The following TXNDC16 variants were observed in gnomAD, a reference collection of about 807,000 sequenced individuals.
TXNDC16 encodes the protein thioredoxin domain containing 16.
TXNDC16 carries 74 observed loss-of-function variants against 85.6 expected under a neutral mutation model. The ratio of observed to expected loss-of-function variants is 0.86; its 90% CI spans 0.72 to 1.05. The LOEUF (loss-of-function observed/expected upper bound fraction) is 1.05. Among genes scored for constraint, TXNDC16 ranks in the 50% least tolerant of loss-of-function variants. TXNDC16 has a pLI of 0.00. For synonymous variants in TXNDC16, 335 were observed against 326.5 expected, an observed-to-expected ratio of 1.03 and a Z score of -0.28; for missense variants, 959 against 947.0, an observed-to-expected ratio of 1.01 and a Z score of -0.17.
rs1334419882 is a variant in TXNDC16, at chr14:52,439,253, G to T, written c.2145C>A (p.Asn715Lys). 6.2e-7 allele frequency: 1 copy of T among 1,613,966 alleles called. No individual in the cohort carries two copies. The change falls in exon 20 of 21, where the codon AAC becomes AAA. Residue 715 changes from asparagine (N) to lysine (K), a missense_variant. Physicochemically the swap from Asn to Lys is moderately conservative, Grantham distance 94 (BLOSUM62 0). Coordinates refer to ENST00000281741, the MANE Select transcript of TXNDC16 (RefSeq NM_020784.3). ...CTAATTTCTTCAGCCACAATACAAG[G>T]TTTTCTTCAATTATAGCCTGGTCTG... The part of the protein sequence containing the change: ...FPSDQAIIEE[N>K]LVLWLKKLEA...
chr14:52,491,059 G>A, intron 9 of TXNDC16, 54 bp from the exon 10 acceptor site: 3 of 1,522,170 alleles, frequency 2.0e-6, no homozygotes, highest in Non-Finnish European at 2.6e-6. Flanking sequence ...CCAACATTTG[G>A]ATTTAAATTC....
rs923525136 is a variant in TXNDC16, at chr14:52,517,310, G to C, written c.514+1862C>G. 2.0e-5 allele frequency among the ~76,000 whole-genome samples: 3 copies of C among 152,234 alleles called. 1 individual carries two copies. The highest frequency in any genetic ancestry group is 2.0e-4 in the Admixed American group (3 of 15,288). ...ACTTACAGCTGCAAAAGGAAACATA[G>C]CTGGGGAGAGGGGGAGGGAAGCCAA... On this transcript the variant is annotated intron_variant, in intron 7 of 20. Coordinates refer to ENST00000281741, the MANE Select transcript of TXNDC16 (RefSeq NM_020784.3).
At chr14:52,482,458 T>C (rs1489449701) in intron 13 of TXNDC16, among the ~76,000 whole-genome samples, 169 bp from the exon 14 acceptor site, 5 of 152,266 alleles carry the variant, frequency 3.3e-5, no homozygotes, top group African/African-American at 4.8e-5. Flanking sequence ...GAGTTTCAAA[T>C]GCAACTGATT....
At chr14:52,550,262 G>A (rs149354508) in intron 1 of TXNDC16, among the ~76,000 whole-genome samples, 41 of 152,248 alleles carry the variant, frequency 2.7e-4, no homozygotes, top group Admixed American at 1.6e-3. Context: ...AGTATATAAC[G>A]CTTACAAAGT....
At chr14:52,528,955 T>C (rs1392093264) in intron 6 of TXNDC16, among the ~76,000 whole-genome samples, 1 of 147,758 alleles carries the variant, frequency 6.8e-6, no homozygotes, top group Non-Finnish European at 1.5e-5. Flanking sequence ...ATTCTATATA[T>C]TATCTATATA....
chr14:52,491,369 TAAA>T (rs774620502), intron 9 of TXNDC16, among the ~76,000 whole-genome samples: 1,049 of 110,190 alleles, frequency 9.5e-3, no homozygotes, highest in East Asian at 0.015. Flanking sequence ...TTTTTTTTTT[TAAA>T]TTTTTTGTAG....
intron 20 of TXNDC16, among the ~76,000 whole-genome samples, chr14:52,435,570 C>T (rs1288088129): frequency 2.0e-5 from 3 of 152,054 alleles, no homozygotes; most frequent in Non-Finnish European, 2.9e-5. Context: ...AATTCTGTCC[C>T]GTTTCCTAGG....
At chr14:52,502,762 G>A (rs1039430562) in intron 9 of TXNDC16, among the ~76,000 whole-genome samples, 3 of 152,168 alleles carry the variant, frequency 2.0e-5, no homozygotes, top group East Asian at 1.9e-4. Flanking sequence ...AGCGTGACCC[G>A]AAGCAGGGTG....
chr14:52,523,246 G>C (rs1426979775), intron 6 of TXNDC16, among the ~76,000 whole-genome samples: 1 of 152,144 alleles, frequency 6.6e-6, no homozygotes, highest in East Asian at 1.9e-4. Flanking sequence ...TCCTGTCCCA[G>C]AAAGGCCTTC....
intron 6 of TXNDC16, among the ~76,000 whole-genome samples, chr14:52,535,057 C>T (rs1379734): frequency 0.13 from 20,494 of 152,118 alleles, 1,431 homozygotes; most frequent in Non-Finnish European, 0.15. Flanking sequence ...GGATATGCCA[C>T]TCCAGGATTT....
rs761008122 is a variant in TXNDC16, at chr14:52,493,215, A to ATATATATATATATATATATATAT, written c.757-2211_757-2210insATATATATATATATATATATATA. Among the ~76,000 whole-genome samples the ATATATATATATATATATATATAT allele has an allele frequency of 2.8e-3, 335 of 120,840 alleles. 9 individuals are homozygous for ATATATATATATATATATATATAT. In the East Asian group the frequency reaches 0.035, roughly 13 times the overall value. The allele number at this position is 120,840 out of a possible 152,430, so 79.3% of individuals were successfully genotyped here. On this transcript the variant is annotated intron_variant, in intron 9 of 20. Coordinates refer to ENST00000281741, the MANE Select transcript of TXNDC16 (RefSeq NM_020784.3). ...GTTCTATATATATATATATATATAT[A>ATATATATATATATATATATATAT]TACACACACACACACACACATATTT...
At chr14:52,537,234 A>T (rs1043824904) in intron 5 of TXNDC16, among the ~76,000 whole-genome samples, 1 of 152,202 alleles carries the variant, frequency 6.6e-6, no homozygotes, top group East Asian at 1.9e-4. Context: ...ATCAAACCCA[A>T]GTGCAGAGAG....
chr14:52,458,940 A>G (rs1168714061), intron 16 of TXNDC16, among the ~76,000 whole-genome samples: 1 of 152,144 alleles, frequency 6.6e-6, no homozygotes, highest in Non-Finnish European at 1.5e-5. Context: ...TCTCAGATGC[A>G]TATCCATTTC....
Position 52,529,194 on chromosome 14 carries a change from G to C in TXNDC16, c.392+7525C>G, listed in dbSNP as rs575037946. On this transcript the variant is annotated intron_variant, in intron 6 of 20. Transcript: ENST00000281741. ...CCTCTGTAGGGACATGGATGAAGCTGGAAACCATCATTCTCAGCAAACTAT... is the reference window on the plus strand; with the variant it reads ...CCTCTGTAGGGACATGGATGAAGCTCGAAACCATCATTCTCAGCAAACTAT... 2.0e-5 allele frequency among the ~76,000 whole-genome samples: 3 copies of C among 150,732 alleles called. No individual in the cohort carries two copies. In the South Asian group the frequency reaches 6.3e-4, roughly 31 times the overall value.
chr14:52,463,034 G>A (rs1460408386), intron 16 of TXNDC16: 1 of 453,176 alleles, frequency 2.2e-6, no homozygotes, highest in East Asian at 7.0e-5. Flanking sequence ...ATTTCTGAAA[G>A]CTGAAGTTCA....
intron 19 of TXNDC16, 39 bp downstream of exon 19, chr14:52,440,525 C>A: frequency 6.8e-7 from 1 of 1,474,308 alleles, no homozygotes; most frequent in Non-Finnish European, 9.0e-7. Flanking sequence ...TTATTACTTT[C>A]TTTACCTCTT....
In TXNDC16 at chr14:52,455,566, C is replaced by T. The variant is rs552147206; in HGVS notation, c.1704-104G>A. 123 of 1,339,278 alleles carry T rather than the reference C, an allele frequency of 9.2e-5. No individual in the cohort carries two copies. The African/African-American group carries it at 1.7e-3, about 18-fold the overall frequency. The allele number at this position is 1,339,278 out of a possible 1,614,324, so 83.0% of individuals were successfully genotyped here. ...CAGTGTGAGGCAGCAAATGGGAATTCCTACTGCTAAGGAAAAAAATGAACT... is the reference window on the plus strand; with the variant it reads ...CAGTGTGAGGCAGCAAATGGGAATTTCTACTGCTAAGGAAAAAAATGAACT... On this transcript the variant is annotated intron_variant, in intron 17 of 20. Coordinates refer to ENST00000281741, the MANE Select transcript of TXNDC16 (RefSeq NM_020784.3).
At chr14:52,455,205 G>T in intron 18 of TXNDC16, 119 bp downstream of exon 18, 2 of 1,119,254 alleles carry the variant, frequency 1.8e-6, no homozygotes, top group Non-Finnish European at 2.5e-6. Context: ...TAAATCCTCA[G>T]CTCACAAATC....
chr14:52,543,441 T>C lies in TXNDC16; in HGVS notation c.117A>G (p.Thr39=), dbSNP rs1017953544. Residue 39 remains threonine (T), a synonymous_variant, in exon 3 of 21, where the codon ACA becomes ACG. Transcript: ENST00000281741. ...CTAAAGAGGCTTTTCCTGGTTGCAA[T>C]GTACTAAAATATTTCTGAGGACTCA... ...PELSPQKYFS[T]LQPGKASLAY... The C allele has an allele frequency of 1.2e-6, 2 of 1,612,572 alleles. No individual in the cohort carries two copies. Among genetic ancestry groups the C allele is most frequent in the South Asian group, 1.1e-5 (1 of 90,644 alleles).
Sources: gnomAD v4.1 joint callset for allele counts (sites outside exome capture counted in the v4.1 genomes callset) on GRCh38, gnomAD v4.1.1 for gene constraint, MANE v1.5 for transcripts, NCBI Gene and HGNC (gene_info 2026-07-23, HGNC 2026-07-21) for gene names.